Variants in ZZZ3 observed in about 807,000 individuals in gnomAD.
The protein encoded by ZZZ3 is zinc finger ZZ-type containing 3, also known as ZZ-type zinc finger-containing protein 3.
ZZZ3 carries 22 observed loss-of-function variants against 95.2 expected under a neutral mutation model. The ratio of observed to expected loss-of-function variants is 0.23; its 90% CI spans 0.17 to 0.33. The LOEUF (loss-of-function observed/expected upper bound fraction) is 0.33, where lower values mean the gene tolerates loss of function less well. Ranked by LOEUF, ZZZ3 falls within the 10% of genes least tolerant of loss-of-function variation. The probability of loss-of-function intolerance (pLI) is 1.00; values close to 1 mark genes in which losing one functional copy is unlikely to be tolerated. For synonymous variants in ZZZ3, 335 were observed against 358.9 expected, an observed-to-expected ratio of 0.93 and a Z score of 0.75; for missense variants, 885 against 1,066.5, an observed-to-expected ratio of 0.83 and a Z score of 2.37.
chr1:77,682,513 T>A (rs543618871), intron 1 of ZZZ3, 72 bp downstream of exon 1: 1 of 152,200 alleles, frequency 6.6e-6, no homozygotes, highest in Non-Finnish European at 1.5e-5. Context: ...CCTTCAAGAC[T>A]ATGGGAAGCT....
At chr1:77,594,455 C>T (rs1416532188) in intron 5 of ZZZ3, among the ~76,000 whole-genome samples, 1 of 152,008 alleles carries the variant, frequency 6.6e-6, no homozygotes, top group Non-Finnish European at 1.5e-5. Context: ...ATCTTTAATG[C>T]TGTCCCATAG....
intron 5 of ZZZ3, among the ~76,000 whole-genome samples, chr1:77,617,422 A>G (rs1666422094): frequency 6.6e-6 from 1 of 152,184 alleles, no homozygotes; most frequent in South Asian, 2.1e-4. Context: ...TTTCATTGGT[A>G]CAATGGTTTC....
intron 5 of ZZZ3, among the ~76,000 whole-genome samples, chr1:77,612,376 G>GT (rs1665897346): frequency 6.6e-6 from 1 of 152,002 alleles, no homozygotes; most frequent in Admixed American, 6.6e-5. Context: ...ATACCAAACA[G>GT]TATGGAAGTT....
rs991242343 is a variant in ZZZ3, at chr1:77,591,924, T to C, written c.1506-7269A>G. Among the ~76,000 whole-genome samples, 3 of 152,272 alleles carry C rather than the reference T, an allele frequency of 2.0e-5. No homozygotes were observed. In the East Asian group the frequency reaches 5.8e-4, roughly 29 times the overall value. On this transcript the variant is annotated intron_variant, in intron 5 of 14. Transcript: ENST00000370801. ...AAGGAGAACTAAAATTGCTTTTGGC[T>C]TGAGGACAGGTACTGAACCATGCAA...
chr1:77,673,334 C>T (rs1671953699), intron 1 of ZZZ3, among the ~76,000 whole-genome samples: 2 of 152,122 alleles, frequency 1.3e-5, no homozygotes, highest in Admixed American at 6.6e-5. Flanking sequence ...GGGTGGCTCA[C>T]GCCTGTGATC....
chr1:77,654,260 T>C (rs781657276), intron 1 of ZZZ3, among the ~76,000 whole-genome samples: 59 of 149,706 alleles, frequency 3.9e-4, no homozygotes, highest in Non-Finnish European at 3.0e-5. Flanking sequence ...CCAAGGTGAG[T>C]TCACTGGTAA....
chr1:77,574,988 A>C (rs1038199873), intron 12 of ZZZ3, among the ~76,000 whole-genome samples: 1 of 152,276 alleles, frequency 6.6e-6, no homozygotes, highest in African/African-American at 2.4e-5. Context: ...CATCGAGAAT[A>C]TCCTGGCCAA....
At chr1:77,600,535 T>C (rs1664631099) in intron 5 of ZZZ3, among the ~76,000 whole-genome samples, 1 of 151,940 alleles carries the variant, frequency 6.6e-6, no homozygotes. Context: ...AGCACATAAT[T>C]TAGGAGGGCA....
intron 1 of ZZZ3, among the ~76,000 whole-genome samples, chr1:77,652,670 AATAGTT>A (rs1188374296): frequency 1.3e-5 from 2 of 152,238 alleles, no homozygotes; most frequent in Non-Finnish European, 2.9e-5. Context: ...CATTATTCAT[AATAGTT>A]ATAAAGTGGA....
At chr1:77,634,031 G>A (rs1381526970) in intron 4 of ZZZ3, among the ~76,000 whole-genome samples, 1 of 152,050 alleles carries the variant, frequency 6.6e-6, no homozygotes, top group Non-Finnish European at 1.5e-5. Flanking sequence ...TTAGCCAGGT[G>A]TGGTGGCACA....
chr1:77,667,964 G>A (rs1349933880), intron 1 of ZZZ3, among the ~76,000 whole-genome samples: 4 of 151,564 alleles, frequency 2.6e-5, no homozygotes, highest in African/African-American at 7.3e-5. Context: ...ACAGGGTTTC[G>A]CCATGTTGGT....
chr1:77,615,825 G>C (rs1030364024), intron 5 of ZZZ3, among the ~76,000 whole-genome samples: 17 of 152,018 alleles, frequency 1.1e-4, no homozygotes, highest in African/African-American at 4.1e-4. Context: ...ATTCTATTTG[G>C]TTTTATTTTT....
chr1:77,655,784 T>C (rs192594112), intron 1 of ZZZ3, among the ~76,000 whole-genome samples: 2 of 152,308 alleles, frequency 1.3e-5, no homozygotes, highest in African/African-American at 4.8e-5. Context: ...CACCCTGGAC[T>C]TTTCAGTTCC....
rs1460511223 is a variant in ZZZ3 at position 77,607,445 on chromosome 1, A to G, written c.1506-22790T>C. 5.1e-4 allele frequency among the ~76,000 whole-genome samples: 78 copies of G among 152,222 alleles called. 1 individual carries two copies. The highest frequency in any genetic ancestry group is 5.0e-3 in the Admixed American group (76 of 15,280). On this transcript the variant is annotated intron_variant, in intron 5 of 14. Coordinates refer to ENST00000370801, the MANE Select transcript of ZZZ3 (RefSeq NM_015534.6). ...TTGAGGAAACTCAGAGAAATTCAAG[A>G]TATCATTGAGAAAGAATTCAAAACT...
intron 1 of ZZZ3, among the ~76,000 whole-genome samples, chr1:77,672,543 A>G (rs754908666): frequency 6.6e-6 from 1 of 152,200 alleles, no homozygotes; most frequent in Non-Finnish European, 1.5e-5. Flanking sequence ...GTGCTACTCA[A>G]AGTGTGGTCT....
At chr1:77,617,886 A>AC (rs1666470471) in intron 5 of ZZZ3, among the ~76,000 whole-genome samples, 1 of 152,166 alleles carries the variant, frequency 6.6e-6, no homozygotes, top group African/African-American at 2.4e-5. Flanking sequence ...CGGAGGTTGC[A>AC]GTGAAACAAG....
At chr1:77,625,757 AG>A (rs896770606) in intron 5 of ZZZ3, among the ~76,000 whole-genome samples, 1 of 151,770 alleles carries the variant, frequency 6.6e-6, no homozygotes, top group African/African-American at 2.4e-5. Flanking sequence ...TGGGAGGCTG[AG>A]GGGGGCGGAT....
intron 1 of ZZZ3, among the ~76,000 whole-genome samples, chr1:77,665,412 G>C (rs2101032100): frequency 6.6e-6 from 1 of 152,278 alleles, no homozygotes; most frequent in South Asian, 2.1e-4. Context: ...CAGCAAAACT[G>C]TTCCCGAAGG....
intron 5 of ZZZ3, among the ~76,000 whole-genome samples, chr1:77,630,905 AT>A (rs1270034628): frequency 6.6e-6 from 1 of 152,226 alleles, no homozygotes; most frequent in Non-Finnish European, 1.5e-5. Context: ...AAATCAAAGT[AT>A]TTATGTACAG....
Sources: gnomAD v4.1 joint callset for allele counts (sites outside exome capture counted in the v4.1 genomes callset) on GRCh38, gnomAD v4.1.1 for gene constraint, MANE v1.5 for transcripts, NCBI Gene and HGNC (gene_info 2026-07-23, HGNC 2026-07-21) for gene names.